The following SLC6A7 variants were observed in gnomAD, a reference collection of about 807,000 sequenced individuals.
SLC6A7 encodes the protein sodium-dependent proline transporter.
A neutral mutation model predicts 73.1 loss-of-function variants in SLC6A7; 58 were observed. That is an observed-to-expected ratio of 0.79 (90% CI 0.64 to 0.99). The LOEUF is 0.99. Among genes scored for constraint, SLC6A7 ranks in the 50% least tolerant of loss-of-function variants. The pLI is 0.00. For missense variants in SLC6A7, 783 were observed against 831.4 expected, an observed-to-expected ratio of 0.94 and a Z score of 0.72; for synonymous variants, 338 against 338.7, an observed-to-expected ratio of 1.00 and a Z score of 0.02.
chr5:150,204,112 G>GCAA, intron 10 of SLC6A7, 74 bp downstream of exon 10: 1 of 1,464,466 alleles, frequency 6.8e-7, no homozygotes, highest in Non-Finnish European at 9.3e-7. Context: ...CTCTGGCCCA[G>GCAA]CTGAGCAGTT....
At chr5:150,204,171 G>T (rs547961772) in intron 10 of SLC6A7, 133 bp downstream of exon 10, 2 of 875,974 alleles carry the variant, frequency 2.3e-6, no homozygotes, top group Non-Finnish European at 3.5e-6. Context: ...GTCCCTCCCC[G>T]GCCCTATCTC....
At chr5:150,208,530 T>C (rs1235072037) in intron 13 of SLC6A7, among the ~76,000 whole-genome samples, 2 of 152,172 alleles carry the variant, frequency 1.3e-5, no homozygotes, top group Admixed American at 1.3e-4. Context: ...TGTGCAGCCA[T>C]TGGCAGGCTT....
In SLC6A7 at chr5:150,204,643, C is replaced by T. The variant is rs762755117; in HGVS notation, c.1432+12C>T. The T allele has an allele frequency of 1.2e-5, 19 of 1,585,262 alleles. No homozygotes were observed. In the East Asian group the frequency reaches 1.3e-4, roughly 11 times the overall value. The stretch of plus-strand genomic sequence containing the variant: ...GACACGGGTGTATGGTGAGAAGAGC[C>T]GTGGGAAGTGGAGTCGAGCTCTCCG... On this transcript the variant is annotated intron_variant, in intron 11 of 13. Transcript: ENST00000230671.
At chr5:150,204,078 A>G in intron 10 of SLC6A7, 40 bp downstream of exon 10, 2 of 1,589,000 alleles carry the variant, frequency 1.3e-6, no homozygotes, top group Non-Finnish European at 1.7e-6. Context: ...TGGGCGGGAC[A>G]AGGGCAGACG....
At chr5:150,194,522 C>A (rs761959651) in intron 1 of SLC6A7, among the ~76,000 whole-genome samples, 2 of 152,002 alleles carry the variant, frequency 1.3e-5, no homozygotes, top group Non-Finnish European at 2.9e-5. Context: ...CCTAAGCTAC[C>A]CTGCTGGCCC....
In SLC6A7 at chr5:150,191,023, G is replaced by T. The variant is rs140583527; in HGVS notation, c.33+663G>T. On this transcript the variant is annotated intron_variant, in intron 1 of 13. Transcript: ENST00000230671. ...TCAGGCTCTCCCTACCTTGCCTTGT[G>T]GGATTGGACCTCTCAGCCAAGCTGT... Among the ~76,000 whole-genome samples, 539 of 152,298 alleles carry T rather than the reference G, an allele frequency of 3.5e-3. 1 individual carries two copies. Among genetic ancestry groups the T allele is most frequent in the African/African-American group, 0.012 (498 of 41,540 alleles).
At position 150,203,633 on chromosome 5, in the gene SLC6A7, C is replaced by T. The variant is rs1386044324; in HGVS notation, c.1088-34C>T. ...GTGCGTATGGGAGCCCACCGCATGA[C>T]CCAAGCTGCTGACCCCGTGTGCCCC... On this transcript the variant is annotated intron_variant, in intron 8 of 13. Transcript: ENST00000230671. 3 of 1,099,498 alleles carry T rather than the reference C, an allele frequency of 2.7e-6. No individual in the cohort carries two copies. The African/African-American group carries it at 4.6e-5, about 17-fold the overall frequency. The allele number at this position is 1,099,498 out of a possible 1,614,324, so 68.1% of individuals were successfully genotyped here. A position where few individuals can be genotyped will look rare whatever the true frequency, so the allele number is the denominator to read the frequency against.
intron 1 of SLC6A7, among the ~76,000 whole-genome samples, chr5:150,194,001 G>A (rs1338798626): frequency 1.3e-5 from 2 of 152,208 alleles, no homozygotes; most frequent in African/African-American, 2.4e-5. Flanking sequence ...AGCTCAAAAA[G>A]TTGTTCTGAG....
At chr5:150,207,493 C>T (rs1237748291) in intron 13 of SLC6A7, among the ~76,000 whole-genome samples, 15 of 152,214 alleles carry the variant, frequency 9.9e-5, no homozygotes, top group Non-Finnish European at 2.9e-5. Flanking sequence ...CCGCGCACTT[C>T]GGCCTCCCAA....
intron 6 of SLC6A7, among the ~76,000 whole-genome samples, chr5:150,201,622 T>C (rs974737329): frequency 1.8e-4 from 27 of 152,188 alleles, no homozygotes; most frequent in African/African-American, 6.5e-4. Flanking sequence ...ATCCTCATTT[T>C]ACAGAGGAAT....
intron 11 of SLC6A7, 25 bp downstream of exon 11, chr5:150,204,656 G>A (rs767314898): frequency 6.4e-7 from 1 of 1,553,548 alleles, no homozygotes; most frequent in Non-Finnish European, 8.9e-7. Flanking sequence ...GGGAAGTGGA[G>A]TCGAGCTCTC....
intron 1 of SLC6A7, 26 bp from the exon 2 acceptor site, chr5:150,194,702 A>G (rs1217461286): frequency 8.7e-6 from 14 of 1,601,834 alleles, no homozygotes; most frequent in Middle Eastern, 1.7e-4. Flanking sequence ...CTTCTCCCCA[A>G]CCTCTTTGGT....
chr5:150,193,137 C>T (rs1752860708), intron 1 of SLC6A7, among the ~76,000 whole-genome samples: 1 of 152,240 alleles, frequency 6.6e-6, no homozygotes, highest in South Asian at 2.1e-4. Context: ...GCTCTTCATG[C>T]TCTGTCATTG....
Position 150,202,577 on chromosome 5 carries a change from A to G in SLC6A7, c.963-2A>G, listed in dbSNP as rs1753440097. ...GGCCCGCACCTGGACTTCTTCTGGT[A>G]GAGACACTTTCATCGTCACTCTGGG... On this transcript the variant is annotated splice_acceptor_variant, in intron 7 of 13. Coordinates refer to ENST00000230671, the MANE Select transcript of SLC6A7 (RefSeq NM_014228.5). LOFTEE classifies it high-confidence loss of function. 6.2e-7 allele frequency: 1 copy of G among 1,614,164 alleles called. No individual in the cohort carries two copies. The highest frequency in any genetic ancestry group is 8.5e-7 in the Non-Finnish European group (1 of 1,180,014).
chr5:150,208,612 G>C (rs868822987), intron 13 of SLC6A7, among the ~76,000 whole-genome samples: 1 of 152,206 alleles, frequency 6.6e-6, no homozygotes, highest in Non-Finnish European at 1.5e-5. Context: ...CGAGCTGTGG[G>C]AGACCCCGGC....
rs1259508013 is a variant in SLC6A7 at position 150,190,308 on chromosome 5, C to A, written c.-20C>A. 6.6e-7 allele frequency: 1 copy of A among 1,510,536 alleles called. No homozygotes were observed. Among genetic ancestry groups the A allele is most frequent in the Non-Finnish European group, 8.8e-7 (1 of 1,130,450 alleles). 93.6% of individuals were successfully genotyped at this position (1,510,536 alleles called of 1,614,324 possible). On this transcript the variant is annotated 5_prime_UTR_variant, in exon 1 of 14. Coordinates refer to ENST00000230671, the MANE Select transcript of SLC6A7 (RefSeq NM_014228.5). Reference sequence around the variant, plus strand: ...CTCTGCGCTCCGGGGCAGCTGAGCCCCGGCCACCCGCTCTCCAAGATGAAG... The same window carrying A: ...CTCTGCGCTCCGGGGCAGCTGAGCCACGGCCACCCGCTCTCCAAGATGAAG...
intron 13 of SLC6A7, among the ~76,000 whole-genome samples, chr5:150,207,205 C>T (rs1753744507): frequency 6.6e-6 from 1 of 152,068 alleles, no homozygotes; most frequent in Admixed American, 6.5e-5. Flanking sequence ...GGCTGGAGTG[C>T]AGTGCAGTGG....
At chr5:150,198,108 AAAG>A (rs1753156346) in intron 4 of SLC6A7, among the ~76,000 whole-genome samples, 1 of 98,758 alleles carries the variant, frequency 1.0e-5, no homozygotes, top group African/African-American at 4.1e-5. Flanking sequence ...AGAAAGAAAG[AAAG>A]AAAGAGAAAG....
chr5:150,209,090 C>A (rs1444807649), intron 13 of SLC6A7, among the ~76,000 whole-genome samples: 2 of 152,250 alleles, frequency 1.3e-5, no homozygotes, highest in Non-Finnish European at 2.9e-5. Flanking sequence ...CTGCTAAGTG[C>A]GTCATCTCAG....
Sources: gnomAD v4.1 joint callset for allele counts (sites outside exome capture counted in the v4.1 genomes callset) on GRCh38, gnomAD v4.1.1 for gene constraint, MANE v1.5 for transcripts, NCBI Gene and HGNC (gene_info 2026-07-23, HGNC 2026-07-21) for gene names.